Variants in MROH1 observed in about 807,000 individuals in gnomAD.
MROH1 encodes maestro heat like repeat family member 1.
In MROH1, 117 loss-of-function variants were observed where a neutral mutation model predicts 116.5. The observed-to-expected ratio is 1.00, with a 90% confidence interval of 0.86 to 1.17. The LOEUF is 1.17. Ranked by LOEUF, MROH1 falls within the 50% of genes most tolerant of loss-of-function variation. MROH1 has a pLI of 0.00. For synonymous variants in MROH1, 921 were observed against 583.9 expected, an observed-to-expected ratio of 1.58 and a Z score of -8.32; for missense variants, 1,873 against 1,338.5, an observed-to-expected ratio of 1.40 and a Z score of -6.23.
intron 14 of MROH1, among the ~76,000 whole-genome samples, chr8:144,234,177 T>C (rs1323759835): frequency 6.6e-6 from 1 of 152,010 alleles, no homozygotes; most frequent in Non-Finnish European, 1.5e-5. Context: ...GCCCCGCTAA[T>C]TTTTTGTATT....
chr8:144,221,884 G>A (rs1836829482), intron 13 of MROH1, among the ~76,000 whole-genome samples: 1 of 152,130 alleles, frequency 6.6e-6, no homozygotes, highest in South Asian at 2.1e-4. Context: ...CAGAGGCGTG[G>A]TCACGATGCT....
intron 13 of MROH1, among the ~76,000 whole-genome samples, chr8:144,221,790 C>G (rs573553514): frequency 5.0e-4 from 76 of 152,254 alleles, no homozygotes; most frequent in Admixed American, 4.9e-3. Context: ...TCCACACCCA[C>G]CCTGTTCTCT....
intron 14 of MROH1, among the ~76,000 whole-genome samples, chr8:144,223,616 A>G (rs1388152914): frequency 6.6e-6 from 1 of 152,158 alleles, no homozygotes; most frequent in Non-Finnish European, 1.5e-5. Context: ...GGAAATGGAG[A>G]GTTTGTCCTA....
intron 21 of MROH1, 79 bp from the exon 22 acceptor site, chr8:144,241,316 G>T: frequency 1.4e-6 from 1 of 713,458 alleles, no homozygotes; most frequent in East Asian, 2.7e-5. Flanking sequence ...GGGTGTGCCC[G>T]TGTCCACACG....
At chr8:144,254,784 C>T in intron 33 of MROH1, 29 bp from the exon 34 acceptor site, 1 of 758,674 alleles carries the variant, frequency 1.3e-6, no homozygotes, top group Non-Finnish European at 2.5e-6. Context: ...CAGCCACGGC[C>T]TCAAAGTGAC....
intron 12 of MROH1, among the ~76,000 whole-genome samples, chr8:144,209,330 C>T (rs1395198216): frequency 5.9e-5 from 9 of 151,810 alleles, no homozygotes; most frequent in Non-Finnish European, 1.2e-4. Context: ...CCTGTAATCC[C>T]GGCACTTTGG....
chr8:144,187,096 CAAAA>C (rs142746653), intron 7 of MROH1, among the ~76,000 whole-genome samples: 1 of 118,004 alleles, frequency 8.5e-6, no homozygotes, highest in Admixed American at 9.3e-5. Flanking sequence ...AGACTGTCTC[CAAAA>C]AAAAAAAAAC....
chr8:144,254,941 G>T lies in MROH1; in HGVS notation c.3557G>T (p.Arg1186Leu). 1.3e-6 allele frequency: 1 copy of T among 774,180 alleles called. No homozygotes were observed. The allele number at this position is 774,180 out of a possible 1,614,324, so 48.0% of individuals were successfully genotyped here. Residue 1186 changes from arginine (R) to leucine (L), a missense_variant, in exon 34 of 44, where the codon CGC becomes CTC. By Grantham distance (102) the Arg-to-Leu change is moderately radical. Coordinates refer to ENST00000326134, the MANE Select transcript of MROH1 (RefSeq NM_032450.3). ...FKESRAFLLGRTPDRVATLLP... is the reference protein window; with the variant it reads ...FKESRAFLLGLTPDRVATLLP... The stretch of plus-strand genomic sequence containing the variant: ...GAGAGCCGGGCCTTCCTGCTGGGCC[G>T]CACCCCAGACCGCGTGGCCACGCTG...
Position 144,244,497 on chromosome 8 carries a change from G to A in MROH1, c.2724G>A (p.Leu908=), listed in dbSNP as rs2133003902. The part of the protein sequence containing the change: ...HALEDLLTSL[L]QRNMTPQGLQ... ...TTGAGGATCTGCTGACGAGCCTCCT[G>A]CAGCGGAACATGACCCCCCAAGGCC... The change falls in exon 28 of 44, where the codon CTG becomes CTA. Residue 908 remains leucine (L), a synonymous_variant. Coordinates refer to ENST00000326134, the MANE Select transcript of MROH1 (RefSeq NM_032450.3). 1 of 774,428 alleles carries A rather than the reference G, an allele frequency of 1.3e-6. No individual in the cohort carries two copies. The highest frequency in any genetic ancestry group is 2.4e-6 in the Non-Finnish European group (1 of 415,084). 48.0% of individuals were successfully genotyped at this position (774,428 alleles called of 1,614,324 possible).
rs1458329737 is a variant in MROH1, at chr8:144,255,522, T to C, written c.3608T>C (p.Leu1203Pro). 19 of 778,882 alleles carry C rather than the reference T, an allele frequency of 2.4e-5. No homozygotes were observed. The highest frequency in any genetic ancestry group is 4.1e-5 in the Non-Finnish European group (17 of 417,784). 48.2% of individuals were successfully genotyped at this position (778,882 alleles called of 1,614,324 possible). Residue 1203 changes from leucine (L) to proline (P), a missense_variant, in exon 35 of 44, where the codon CTG (leucine) becomes CCG (proline). Transcript: ENST00000326134. ...CTTCTCCCCCAGGCTACCTGTGCAC[T>C]GTTTGAGGTCATGTCCACGCCTGCA... Reference protein sequence around the residue: ...TLLPLSATCALFEVMSTPAAG... With the variant: ...TLLPLSATCAPFEVMSTPAAG...
chr8:144,224,039 C>T (rs1009120485), intron 14 of MROH1, among the ~76,000 whole-genome samples: 11 of 152,168 alleles, frequency 7.2e-5, no homozygotes, highest in East Asian at 1.9e-4. Flanking sequence ...GCAGGTGGGC[C>T]GCCACCAGCT....
intron 35 of MROH1, among the ~76,000 whole-genome samples, 183 bp downstream of exon 35, chr8:144,255,888 C>T (rs923056840): frequency 1.3e-4 from 20 of 152,048 alleles, no homozygotes; most frequent in African/African-American, 2.4e-4. Flanking sequence ...CATCCATGGC[C>T]ACCCTTCTCA....
chr8:144,223,550 G>T (rs1166198227), intron 14 of MROH1, among the ~76,000 whole-genome samples: 1 of 152,182 alleles, frequency 6.6e-6, no homozygotes, highest in Non-Finnish European at 1.5e-5. Flanking sequence ...CTCAGTCAGA[G>T]CCTCTGCATT....
At chr8:144,251,338 C>T (rs1054120038) in intron 33 of MROH1, 11 of 152,368 alleles carry the variant, frequency 7.2e-5, no homozygotes, top group African/African-American at 2.6e-4. Context: ...TGGTAAATAG[C>T]TGCATTTTGT....
intron 4 of MROH1, among the ~76,000 whole-genome samples, chr8:144,174,405 C>T (rs552293600): frequency 5.3e-5 from 8 of 152,056 alleles, no homozygotes; most frequent in South Asian, 2.1e-4. Context: ...CCACCATGCC[C>T]GGCCAAAAGT....
chr8:144,260,635 G>C (rs1426087366), intron 39 of MROH1, 42 bp from the exon 40 acceptor site: 15 of 773,604 alleles, frequency 1.9e-5, no homozygotes, highest in Non-Finnish European at 3.6e-5. Flanking sequence ...GGCCTGCAGG[G>C]GCACAGCCTG....
At chr8:144,248,458 G>A (rs1326729632) in intron 31 of MROH1, among the ~76,000 whole-genome samples, 2 of 152,136 alleles carry the variant, frequency 1.3e-5, no homozygotes, top group African/African-American at 2.4e-5. Context: ...AGGAAGGAGG[G>A]GTAGGTCACC....
At chr8:144,196,396 G>C (rs943433452) in intron 10 of MROH1, among the ~76,000 whole-genome samples, 1 of 151,060 alleles carries the variant, frequency 6.6e-6, no homozygotes, top group Non-Finnish European at 1.5e-5. Context: ...TCACTCTGTT[G>C]CCCAGGCTGG....
chr8:144,244,530 C>A lies in MROH1; in HGVS notation c.2757C>A (p.Ile919=). Residue 919 remains isoleucine (I), a synonymous_variant, in exon 28 of 44, where the codon ATC becomes ATA. Coordinates refer to ENST00000326134, the MANE Select transcript of MROH1 (RefSeq NM_032450.3). ...ACATGACCCCCCAAGGCCTGCAGAT[C>A]ATGATTGAGGTGTGCAGGGGGGAAC... ...QRNMTPQGLQ[I]MIEHLSPWIK... The A allele has an allele frequency of 6.5e-6, 5 of 765,316 alleles. No homozygotes were observed. In the Admixed American group the frequency reaches 7.0e-5, roughly 11 times the overall value. 47.4% of individuals were successfully genotyped at this position (765,316 alleles called of 1,614,324 possible). A position where few individuals can be genotyped will look rare whatever the true frequency, so the allele number is the denominator to read the frequency against.
Sources: allele counts gnomAD v4.1 joint callset (sites outside exome capture counted in the v4.1 genomes callset), GRCh38; gene constraint gnomAD v4.1.1; transcripts MANE v1.5; gene names NCBI Gene and HGNC (gene_info 2026-07-23, HGNC 2026-07-21).